Variants in SEMA5A observed in about 807,000 individuals in gnomAD.
The protein encoded by SEMA5A is semaphorin 5A, also known as semaphorin-5A.
A neutral mutation model predicts 135.5 loss-of-function variants in SEMA5A; 55 were observed. The ratio of observed to expected loss-of-function variants is 0.41; its 90% CI spans 0.33 to 0.51. The LOEUF (loss-of-function observed/expected upper bound fraction) is 0.51, where lower values mean the gene tolerates loss of function less well. Among genes scored for constraint, SEMA5A ranks in the 20% least tolerant of loss-of-function variants. SEMA5A has a pLI of 0.37. For missense variants in SEMA5A, 1,290 were observed against 1,419.9 expected (o/e 0.91, Z 1.47); for synonymous variants, 580 against 546.5 (o/e 1.06, Z -0.85).
intron 5 of SEMA5A, among the ~76,000 whole-genome samples, chr5:9,302,915 C>T (rs1283357239): frequency 1.3e-5 from 2 of 152,020 alleles, no homozygotes; most frequent in Non-Finnish European, 2.9e-5. Flanking sequence ...CTTTATGAAT[C>T]AATCTAAATT....
chr5:9,237,831 T>C lies in SEMA5A; in HGVS notation c.330A>G (p.Ser110=), dbSNP rs982149352. ...CTCATAATTGCATTCTTCTTACCTT[T>C]GATTTGCCTTTGCTGTAACAGGCCT... ...TKKACYSKGK[S]KEECQNYIRV... The change falls in exon 6 of 23, where the codon TCA becomes TCG. Residue 110 remains serine, a synonymous_variant. Transcript: ENST00000382496. 4 of 1,613,480 alleles carry C rather than the reference T, an allele frequency of 2.5e-6. No homozygotes were observed. In the Admixed American group the frequency reaches 5.0e-5, roughly 20 times the overall value.
chr5:9,126,045 T>C (rs189415556), intron 13 of SEMA5A, among the ~76,000 whole-genome samples: 3 of 152,282 alleles, frequency 2.0e-5, no homozygotes, highest in East Asian at 3.9e-4. Flanking sequence ...AAAGCATGTC[T>C]CTTGTTCATG....
chr5:9,409,624 G>A (rs1757028875), intron 2 of SEMA5A, among the ~76,000 whole-genome samples: 1 of 152,128 alleles, frequency 6.6e-6, no homozygotes, highest in South Asian at 2.1e-4. Flanking sequence ...CTGATTTACT[G>A]GCTGACCTTC....
chr5:9,144,658 C>T (rs961494991), intron 12 of SEMA5A, among the ~76,000 whole-genome samples: 3 of 152,176 alleles, frequency 2.0e-5, no homozygotes, highest in Admixed American at 2.0e-4. Flanking sequence ...CCTTGTGTAG[C>T]CTTCATCAGT....
At chr5:9,491,445 C>T (rs546736255) in intron 1 of SEMA5A, among the ~76,000 whole-genome samples, 13 of 152,206 alleles carry the variant, frequency 8.5e-5, no homozygotes, top group African/African-American at 2.9e-4. Flanking sequence ...CCACCCCCAC[C>T]AGCCACACAA....
In SEMA5A at chr5:9,037,360, A is replaced by C. The variant is rs1561085359; in HGVS notation, c.*5537T>G. 1 of 152,202 alleles carries C rather than the reference A, an allele frequency of 6.6e-6. No homozygotes were observed. The highest frequency in any genetic ancestry group is 1.5e-5 in the Non-Finnish European group (1 of 68,042). 9.4% of individuals were successfully genotyped at this position (152,202 alleles called of 1,614,324 possible). ...TGTTTTGAGACAGCTTTCACTAGGA[A>C]GTATACATTTTGTGCCAGGCTCTGA... On this transcript the variant is annotated 3_prime_UTR_variant, in exon 23 of 23. Coordinates refer to ENST00000382496, the MANE Select transcript of SEMA5A (RefSeq NM_003966.3).
intron 8 of SEMA5A, among the ~76,000 whole-genome samples, chr5:9,210,253 C>T (rs1369050966): frequency 6.6e-6 from 1 of 152,168 alleles, no homozygotes. Context: ...TAGAAGCTTC[C>T]TCACATGACT....
At chr5:9,291,179 G>A (rs1751056461) in intron 5 of SEMA5A, among the ~76,000 whole-genome samples, 1 of 152,110 alleles carries the variant, frequency 6.6e-6, no homozygotes, top group Admixed American at 6.6e-5. Context: ...GGTCGTTCTT[G>A]GCCACTGGAG....
rs559667071 is a variant in SEMA5A, at chr5:9,175,052, A to G, written c.1273+15215T>C. On this transcript the variant is annotated intron_variant, in intron 11 of 22. Coordinates refer to ENST00000382496, the MANE Select transcript of SEMA5A (RefSeq NM_003966.3). ...TTTGTTTTCTGATTTCACAGCTTAG[A>G]GAATGACTGTGGTGGGCCAGGTGAC... Among the ~76,000 whole-genome samples the G allele has an allele frequency of 6.6e-4, 101 of 152,320 alleles. 1 individual carries two copies. Among genetic ancestry groups the G allele is most frequent in the African/African-American group, 2.3e-3 (96 of 41,572 alleles).
intron 3 of SEMA5A, among the ~76,000 whole-genome samples, chr5:9,347,996 G>A (rs1296502401): frequency 6.6e-6 from 1 of 152,104 alleles, no homozygotes; most frequent in Non-Finnish European, 1.5e-5. Context: ...ATGATTTTCA[G>A]GCCATACCAC....
intron 12 of SEMA5A, among the ~76,000 whole-genome samples, chr5:9,147,806 C>T (rs1042096065): frequency 4.0e-5 from 6 of 151,248 alleles, no homozygotes; most frequent in Admixed American, 2.0e-4. Flanking sequence ...CATTTTTCTG[C>T]AAAGGAATTT....
At chr5:9,527,216 G>C (rs1737183559) in intron 1 of SEMA5A, among the ~76,000 whole-genome samples, 1 of 152,072 alleles carries the variant, frequency 6.6e-6, no homozygotes, top group South Asian at 2.1e-4. Context: ...AGACCTAGGA[G>C]ACCCCTCAGA....
intron 13 of SEMA5A, among the ~76,000 whole-genome samples, chr5:9,133,183 A>G (rs1741533171): frequency 6.6e-6 from 1 of 152,250 alleles, no homozygotes; most frequent in Non-Finnish European, 1.5e-5. Context: ...AACACGGAAG[A>G]AAATTACATT....
chr5:9,460,018 A>G (rs1303744372), intron 1 of SEMA5A, among the ~76,000 whole-genome samples: 1 of 152,210 alleles, frequency 6.6e-6, no homozygotes, highest in Admixed American at 6.5e-5. Flanking sequence ...ACATCAAAAT[A>G]TCAGCATTTG....
rs182563225 is a variant in SEMA5A at position 9,318,258 on chromosome 5, C to T, written c.270+114G>A. 26 of 971,180 alleles carry T rather than the reference C, an allele frequency of 2.7e-5. No individual in the cohort carries two copies. In the East Asian group the frequency reaches 3.6e-4, roughly 13 times the overall value. The allele number at this position is 971,180 out of a possible 1,614,324, so 60.2% of individuals were successfully genotyped here. ...CCCGTGGCCTGACCTGCTGAGGAAACGAGCCCCTGCTCAGGCTGGATTAAC... is the reference window on the plus strand; with the variant it reads ...CCCGTGGCCTGACCTGCTGAGGAAATGAGCCCCTGCTCAGGCTGGATTAAC... On this transcript the variant is annotated intron_variant, in intron 5 of 22. Transcript: ENST00000382496.
intron 4 of SEMA5A, among the ~76,000 whole-genome samples, chr5:9,327,757 C>T (rs1322126496): frequency 6.6e-6 from 1 of 151,962 alleles, no homozygotes; most frequent in East Asian, 1.9e-4. Flanking sequence ...TTTTATTATG[C>T]TTTAATTATT....
intron 1 of SEMA5A, among the ~76,000 whole-genome samples, chr5:9,534,905 A>G (rs530834329): frequency 5.0e-4 from 76 of 152,362 alleles, no homozygotes; most frequent in African/African-American, 1.8e-3. Flanking sequence ...CAGGATTTCA[A>G]TGGACAGGGC....
intron 13 of SEMA5A, among the ~76,000 whole-genome samples, chr5:9,131,346 C>T (rs938832219): frequency 7.9e-5 from 12 of 151,960 alleles, no homozygotes; most frequent in African/African-American, 1.4e-4. Flanking sequence ...CAGTGGCTCA[C>T]GCCTGTAATC....
chr5:9,099,504 A>G lies in SEMA5A; in HGVS notation c.2073+8636T>C, dbSNP rs79571515. ...TGAATGGATTTTACAACCACAATGC[A>G]ATGGAAGAGTTCAGGTTGCAACCTT... On this transcript the variant is annotated intron_variant, in intron 16 of 22. Transcript: ENST00000382496. Among the ~76,000 whole-genome samples, 495 of 152,358 alleles carry G rather than the reference A, an allele frequency of 3.2e-3. 1 individual carries two copies. Among genetic ancestry groups the G allele is most frequent in the African/African-American group, 0.011 (451 of 41,596 alleles).
Sources: allele counts gnomAD v4.1 joint callset (sites outside exome capture counted in the v4.1 genomes callset), GRCh38; gene constraint gnomAD v4.1.1; transcripts MANE v1.5; gene names NCBI Gene and HGNC (gene_info 2026-07-23, HGNC 2026-07-21).